FGF12: variants seen among roughly 807,000 people sequenced by gnomAD.
The protein encoded by FGF12 is fibroblast growth factor 12, also known as fibroblast growth factor 12B.
FGF12 carries 14 observed loss-of-function variants against 23.6 expected under a neutral mutation model. The observed-to-expected ratio is 0.59, with a 90% CI of 0.39 to 0.93. The LOEUF (loss-of-function observed/expected upper bound fraction) is 0.93, where lower values mean the gene tolerates loss of function less well. FGF12 is among the 40% of genes least tolerant of loss of function. The probability of loss-of-function intolerance (pLI) is 0.00; values close to 1 mark genes in which losing one functional copy is unlikely to be tolerated. For synonymous variants in FGF12, 62 were observed against 77.3 expected, an observed-to-expected ratio of 0.80 and a Z score of 1.04; for missense variants, 175 against 217.8, an observed-to-expected ratio of 0.80 and a Z score of 1.24.
At chr3:192,225,915 A>G (rs1436794719) in intron 4 of FGF12, among the ~76,000 whole-genome samples, 1 of 152,174 alleles carries the variant, frequency 6.6e-6, no homozygotes, top group Non-Finnish European at 1.5e-5. Context: ...ATCCATACAG[A>G]CAGATAGTAA....
Position 192,462,839 on chromosome 3 carries a change from T to A in FGF12, c.14-102301A>T, listed in dbSNP as rs760738042. On this transcript the variant is annotated intron_variant, in intron 2 of 5. Transcript: ENST00000445105. ...TATATTAATTATACAAATAACTGAT[T>A]TATAATGTAAGAAATTTAAATATGC... is the stretch of plus-strand genomic sequence containing the variant. 5.8e-4 allele frequency among the ~76,000 whole-genome samples: 89 copies of A among 152,260 alleles called. 1 individual carries two copies. Among genetic ancestry groups the A allele is most frequent in the Non-Finnish European group, 3.2e-4 (22 of 68,024 alleles).
At chr3:192,169,021 G>T (rs867616145) in intron 5 of FGF12, among the ~76,000 whole-genome samples, 4 of 152,060 alleles carry the variant, frequency 2.6e-5, no homozygotes, top group Non-Finnish European at 5.9e-5. Flanking sequence ...AAAGGAGCAG[G>T]GGTGATGAAC....
chr3:192,179,631 C>T (rs1013846241), intron 4 of FGF12, among the ~76,000 whole-genome samples: 2 of 151,784 alleles, frequency 1.3e-5, no homozygotes, highest in Admixed American at 6.6e-5. Context: ...CTGCAACCTC[C>T]GCCTCCCGGG....
intron 2 of FGF12, among the ~76,000 whole-genome samples, chr3:192,574,272 C>CCATA (rs1712779998): frequency 1.3e-5 from 2 of 152,182 alleles, no homozygotes; most frequent in Admixed American, 1.3e-4. Context: ...CCTATCTGTA[C>CCATA]CATACAGCAA....
At chr3:192,144,846 A>C (rs913044647) in intron 5 of FGF12, among the ~76,000 whole-genome samples, 1 of 152,162 alleles carries the variant, frequency 6.6e-6, no homozygotes, top group African/African-American at 2.4e-5. Flanking sequence ...TTTAGAAAGA[A>C]CGATGTTTTC....
chr3:192,593,859 A>T (rs1713728640), intron 2 of FGF12, among the ~76,000 whole-genome samples: 1 of 151,952 alleles, frequency 6.6e-6, no homozygotes, highest in Non-Finnish European at 1.5e-5. Flanking sequence ...ACCAGGAAAA[A>T]AAATTCCTCT....
chr3:192,470,732 A>G (rs1368053874), intron 2 of FGF12, among the ~76,000 whole-genome samples: 2 of 152,166 alleles, frequency 1.3e-5, no homozygotes, highest in African/African-American at 4.8e-5. Flanking sequence ...CATCATTATC[A>G]GGGTACGTCA....
chr3:192,164,510 C>T lies in FGF12; in HGVS notation c.427+5948G>A, dbSNP rs1304597196. Among the ~76,000 whole-genome samples, 2 of 152,104 alleles carry T rather than the reference C, an allele frequency of 1.3e-5. 1 individual carries two copies. Among genetic ancestry groups the T allele is most frequent in the Admixed American group, 1.3e-4 (2 of 15,274 alleles). On this transcript the variant is annotated intron_variant, in intron 5 of 5. Transcript: ENST00000445105. ...GTTATCAGTGTAGGACTTAACCATC[C>T]TCAAACTGGCAGAGCTTAATTTTGG... is the stretch of plus-strand genomic sequence containing the variant.
chr3:192,481,460 C>T (rs1723477096), intron 2 of FGF12, among the ~76,000 whole-genome samples: 1 of 152,024 alleles, frequency 6.6e-6, no homozygotes, highest in Non-Finnish European at 1.5e-5. Context: ...CTAATTAATC[C>T]ACATCTATAA....
intron 4 of FGF12, among the ~76,000 whole-genome samples, chr3:192,179,578 C>A (rs1037467184): frequency 3.4e-5 from 5 of 148,630 alleles, no homozygotes; most frequent in Admixed American, 2.7e-4. Flanking sequence ...GACAGTCTTG[C>A]TCTGTCACTC....
intron 5 of FGF12, among the ~76,000 whole-genome samples, chr3:192,169,247 A>G (rs916212187): frequency 1.3e-5 from 2 of 152,162 alleles, no homozygotes; most frequent in African/African-American, 4.8e-5. Flanking sequence ...AGGCTGAAGA[A>G]GGAGAATCGC....
chr3:192,279,705 A>G (rs1436527119), intron 4 of FGF12, among the ~76,000 whole-genome samples: 1 of 152,222 alleles, frequency 6.6e-6, no homozygotes, highest in East Asian at 1.9e-4. Flanking sequence ...CATAAACAAT[A>G]AAACAAAAGT....
chr3:192,554,968 T>C (rs1364177558), intron 2 of FGF12, among the ~76,000 whole-genome samples: 1 of 152,040 alleles, frequency 6.6e-6, no homozygotes, highest in Non-Finnish European at 1.5e-5. Context: ...AGACAGGTCA[T>C]TGAAATTATC....
At chr3:192,658,054 A>C (rs6809426) in intron 2 of FGF12, among the ~76,000 whole-genome samples, 85,098 of 151,572 alleles carry the variant, frequency 0.56, 24,299 homozygotes, top group East Asian at 0.67. Flanking sequence ...ATTGCAGATA[A>C]AAAACAGTAC....
Position 192,292,598 on chromosome 3 carries a change from T to G in FGF12, c.228+42763A>C, listed in dbSNP as rs756524184. Among the ~76,000 whole-genome samples, 77 of 152,254 alleles carry G rather than the reference T, an allele frequency of 5.1e-4. 1 individual carries two copies. Among genetic ancestry groups the G allele is most frequent in the Middle Eastern group, 6.8e-3 (2 of 292 alleles). ...CAAATATGCATACAATTGCTTTAAGTCTAAGATATTGAAATAAACATGGCA... is the reference window on the plus strand; with the variant it reads ...CAAATATGCATACAATTGCTTTAAGGCTAAGATATTGAAATAAACATGGCA... On this transcript the variant is annotated intron_variant, in intron 4 of 5. Transcript: ENST00000445105.
At chr3:192,294,103 T>C (rs1826524) in intron 4 of FGF12, among the ~76,000 whole-genome samples, 67,933 of 151,988 alleles carry the variant, frequency 0.45, 15,934 homozygotes, top group East Asian at 0.91. Flanking sequence ...GCTTTCACTT[T>C]TCTCTCATTC....
chr3:192,368,374 G>T (rs1435543137), intron 2 of FGF12, among the ~76,000 whole-genome samples: 1 of 152,184 alleles, frequency 6.6e-6, no homozygotes, highest in Non-Finnish European at 1.5e-5. Flanking sequence ...TAGTATAAGT[G>T]CTATGATAAA....
At chr3:192,281,798 T>C (rs574660634) in intron 4 of FGF12, among the ~76,000 whole-genome samples, 1 of 152,260 alleles carries the variant, frequency 6.6e-6, no homozygotes, top group Non-Finnish European at 1.5e-5. Context: ...CCAAAGCTGT[T>C]CCCTATAGCC....
rs1469586504 is a variant in FGF12 at position 192,459,730 on chromosome 3, T to C, written c.14-99192A>G. ...GAAAAATAAAATAGTTTTGAAGATG[T>C]ATGTGCTTTAATCTGACTGGTTAAA... On this transcript the variant is annotated intron_variant, in intron 2 of 5. Coordinates refer to ENST00000445105, the MANE Select transcript of FGF12 (RefSeq NM_004113.6). 3.3e-5 allele frequency among the ~76,000 whole-genome samples: 5 copies of C among 152,354 alleles called. No individual in the cohort carries two copies. The South Asian group carries it at 6.2e-4, about 19-fold the overall frequency.
Sources: allele counts gnomAD v4.1 joint callset (sites outside exome capture counted in the v4.1 genomes callset), GRCh38; gene constraint gnomAD v4.1.1; transcripts MANE v1.5; gene names NCBI Gene and HGNC (gene_info 2026-07-23, HGNC 2026-07-21).